The following PCDH15 variants were observed in gnomAD, a reference collection of about 807,000 sequenced individuals.
PCDH15 encodes the protein protocadherin-15.
PCDH15 carries 129 observed loss-of-function variants against 178.5 expected under a neutral mutation model. The ratio of observed to expected loss-of-function variants is 0.72; its 90% CI spans 0.63 to 0.84. PCDH15 has a LOEUF of 0.84. PCDH15 is among the 40% of genes least tolerant of loss of function. The pLI is 0.00. For missense variants in PCDH15, 2,230 were observed against 2,099.9 expected (o/e 1.06, Z -1.21); for synonymous variants, 800 against 732.0 (o/e 1.09, Z -1.50).
intron 2 of PCDH15, among the ~76,000 whole-genome samples, chr10:55,381,975 G>C (rs1837543866): frequency 6.6e-6 from 1 of 152,026 alleles, no homozygotes; most frequent in African/African-American, 2.4e-5. Context: ...GAGATGGAGA[G>C]GATAAAACCA....
intron 21 of PCDH15, among the ~76,000 whole-genome samples, chr10:53,975,303 A>G (rs552419676): frequency 6.6e-6 from 1 of 152,290 alleles, no homozygotes; most frequent in African/African-American, 2.4e-5. Context: ...ATACCCAGTA[A>G]TGGAATTGCT....
intron 23 of PCDH15, among the ~76,000 whole-genome samples, chr10:53,945,636 T>C (rs182637499): frequency 8.6e-5 from 13 of 151,996 alleles, no homozygotes; most frequent in Admixed American, 7.2e-4. Flanking sequence ...TTAGATTCCA[T>C]ATATATTAGC....
chr10:55,313,086 T>TC lies in PCDH15; in HGVS notation c.-156+6512dup, dbSNP rs749713136. On this transcript the variant is annotated intron_variant, in intron 1 of 5. Coordinates refer to the PCDH15 transcript ENST00000458638. ...AAGAAAATGTACTTAGGAGTTCCTG[T>TC]CCCCATAGAACTTCTATTTTAGAAA... 6.6e-5 allele frequency among the ~76,000 whole-genome samples: 10 copies of TC among 152,262 alleles called. No individual in the cohort carries two copies. The South Asian group carries it at 1.2e-3, about 19-fold the overall frequency.
intron 2 of PCDH15, among the ~76,000 whole-genome samples, chr10:55,406,181 G>T (rs867098314): frequency 2.4e-4 from 37 of 151,796 alleles, no homozygotes; most frequent in African/African-American, 8.5e-4. Context: ...AATAACAGGG[G>T]TAAAAAAGCA....
intron 2 of PCDH15, among the ~76,000 whole-genome samples, chr10:55,547,929 G>GAGAGAGAGAGAGAC (rs1841924424): frequency 6.7e-6 from 1 of 148,982 alleles, no homozygotes; most frequent in Non-Finnish European, 1.5e-5. Flanking sequence ...GAGAGAGAGA[G>GAGAGAGAGAGAGAC]AGAGAGAGAG....
At chr10:54,873,740 A>G (rs1297548265) in intron 3 of PCDH15, among the ~76,000 whole-genome samples, 1 of 146,110 alleles carries the variant, frequency 6.8e-6, no homozygotes, top group African/African-American at 2.5e-5. Flanking sequence ...GTATATATGT[A>G]TGTATGTGTA....
At chr10:55,197,396 A>G (rs182395492) in intron 1 of PCDH15, among the ~76,000 whole-genome samples, 1 of 152,198 alleles carries the variant, frequency 6.6e-6, no homozygotes, top group East Asian at 1.9e-4. Context: ...TAAATTTTCT[A>G]TTGATTGCTA....
At chr10:53,892,479 G>A (rs561526164) in intron 26 of PCDH15, among the ~76,000 whole-genome samples, 1 of 152,096 alleles carries the variant, frequency 6.6e-6, no homozygotes, top group Non-Finnish European at 1.5e-5. Flanking sequence ...CTAGGAGAAT[G>A]ATATTTTTTG....
chr10:55,387,746 G>A (rs1837696822), intron 2 of PCDH15, among the ~76,000 whole-genome samples: 1 of 151,894 alleles, frequency 6.6e-6, no homozygotes, highest in Admixed American at 6.6e-5. Flanking sequence ...AGGTTGTCTG[G>A]GTTTTACAAA....
chr10:54,726,425 T>TGG (rs1942523524), intron 1 of PCDH15, among the ~76,000 whole-genome samples: 4 of 76,966 alleles, frequency 5.2e-5, no homozygotes, highest in East Asian at 4.1e-4. Flanking sequence ...CAGGGGTGTG[T>TGG]GTGTGTGTGT....
At chr10:54,381,166 G>T (rs141700240) in intron 3 of PCDH15, among the ~76,000 whole-genome samples, 88 of 152,036 alleles carry the variant, frequency 5.8e-4, no homozygotes, top group African/African-American at 2.1e-3. Flanking sequence ...CATGATACAA[G>T]GAGCAATATA....
chr10:53,965,871 T>A (rs2926409), intron 21 of PCDH15, among the ~76,000 whole-genome samples: 5 of 13,940 alleles, frequency 3.6e-4, no homozygotes, highest in Admixed American at 1.7e-3. Flanking sequence ...AAGCCAAAAT[T>A]TTTTTTTGCA....
chr10:54,095,894 G>T (rs1372681050), intron 15 of PCDH15, among the ~76,000 whole-genome samples: 1 of 152,090 alleles, frequency 6.6e-6, no homozygotes, highest in Non-Finnish European at 1.5e-5. Flanking sequence ...TTCTAATTTT[G>T]TCTAGGGCTC....
intron 2 of PCDH15, among the ~76,000 whole-genome samples, chr10:54,949,826 C>A (rs1193340921): frequency 2.6e-5 from 4 of 151,932 alleles, no homozygotes; most frequent in Non-Finnish European, 4.4e-5. Context: ...TTTGCTAAAG[C>A]ATAGGAAAAG....
At chr10:54,677,590 A>C (rs2094814954) in intron 1 of PCDH15, among the ~76,000 whole-genome samples, 1 of 152,128 alleles carries the variant, frequency 6.6e-6, no homozygotes, top group African/African-American at 2.4e-5. Context: ...ACCGTAAATA[A>C]ATAATTAAAG....
At chr10:54,479,260 T>G (rs1053348332) in intron 3 of PCDH15, among the ~76,000 whole-genome samples, 1 of 151,962 alleles carries the variant, frequency 6.6e-6, no homozygotes, top group Non-Finnish European at 1.5e-5. Context: ...ATTAAATTCT[T>G]CCCTAAAGCT....
chr10:54,139,725 A>G (rs2043217121), intron 14 of PCDH15, among the ~76,000 whole-genome samples: 1 of 152,182 alleles, frequency 6.6e-6, no homozygotes, highest in Admixed American at 6.5e-5. Context: ...CTAAAGGCTA[A>G]TTAAAATTAT....
At chr10:55,315,038 T>C (rs1843688153) in intron 1 of PCDH15, among the ~76,000 whole-genome samples, 1 of 152,102 alleles carries the variant, frequency 6.6e-6, no homozygotes, top group Admixed American at 6.6e-5. Flanking sequence ...ACACAGAAGA[T>C]ATAGTTGGTG....
At chr10:54,870,922 G>T (rs1408932026) in intron 3 of PCDH15, among the ~76,000 whole-genome samples, 2 of 152,112 alleles carry the variant, frequency 1.3e-5, no homozygotes, top group African/African-American at 4.8e-5. Flanking sequence ...TGTTATCTAC[G>T]TAGTAACTTA....
Sources: allele counts gnomAD v4.1 joint callset (sites outside exome capture counted in the v4.1 genomes callset), GRCh38; gene constraint gnomAD v4.1.1; transcripts MANE v1.5; gene names NCBI Gene and HGNC (gene_info 2026-07-23, HGNC 2026-07-21).